Variants in ERBB4 observed in about 807,000 individuals in gnomAD.
ERBB4 encodes receptor tyrosine-protein kinase erbB-4.
A neutral mutation model predicts 158.0 loss-of-function variants in ERBB4; 42 were observed. That is an observed-to-expected ratio of 0.27 (90% CI 0.21 to 0.34). The LOEUF is 0.34. Ranked by LOEUF, ERBB4 falls within the 10% of genes least tolerant of loss-of-function variation. The probability of loss-of-function intolerance (pLI) is 1.00; values close to 1 mark genes in which losing one functional copy is unlikely to be tolerated. For missense variants in ERBB4, 1,333 were observed against 1,624.1 expected (o/e 0.82, Z 3.08); for synonymous variants, 583 against 558.7 (o/e 1.04, Z -0.61).
chr2:212,301,572 T>C (rs917312492), intron 1 of ERBB4, among the ~76,000 whole-genome samples: 2 of 151,406 alleles, frequency 1.3e-5, no homozygotes, highest in African/African-American at 4.8e-5. Context: ...TGGACATATC[T>C]TGGTAAACAT....
rs184120795 is a variant in ERBB4 at position 212,078,709 on chromosome 2, T to C, written c.234+46043A>G. 2.5e-3 allele frequency among the ~76,000 whole-genome samples: 385 copies of C among 151,920 alleles called. 1 individual carries two copies. Among genetic ancestry groups the C allele is most frequent in the African/African-American group, 8.9e-3 (369 of 41,524 alleles). ...CTCTATTTCCAAAGACATCCACCAT[T>C]TGCAGTTAAGAGACTATTATTCTAA... is the stretch of plus-strand genomic sequence containing the variant. On this transcript the variant is annotated intron_variant, in intron 2 of 27. Transcript: ENST00000342788.
intron 2 of ERBB4, among the ~76,000 whole-genome samples, chr2:212,099,221 A>C (rs2079015780): frequency 6.6e-6 from 1 of 151,692 alleles, no homozygotes; most frequent in Non-Finnish European, 1.5e-5. Context: ...ACTGCACTGC[A>C]GCCTGGGTGA....
chr2:211,933,029 G>C (rs1417773865), intron 3 of ERBB4, among the ~76,000 whole-genome samples: 1 of 151,976 alleles, frequency 6.6e-6, no homozygotes, highest in Non-Finnish European at 1.5e-5. Context: ...TCACAAAGGA[G>C]TTGATAACCT....
intron 3 of ERBB4, among the ~76,000 whole-genome samples, chr2:211,863,790 A>G (rs1336475502): frequency 6.6e-6 from 1 of 152,194 alleles, no homozygotes; most frequent in Non-Finnish European, 1.5e-5. Flanking sequence ...CGGAAGGAAA[A>G]AATTCCAGAC....
At chr2:211,957,138 A>G (rs1162192418) in intron 2 of ERBB4, among the ~76,000 whole-genome samples, 2 of 152,054 alleles carry the variant, frequency 1.3e-5, no homozygotes, top group Non-Finnish European at 2.9e-5. Context: ...CCAAACCCCC[A>G]TAATGTATAC....
In ERBB4 at chr2:211,892,722, C is replaced by T. The variant is rs536539989; in HGVS notation, c.421+54708G>A. On this transcript the variant is annotated intron_variant, in intron 3 of 27. Coordinates refer to ENST00000342788, the MANE Select transcript of ERBB4 (RefSeq NM_005235.3). ...GCAACTTCAGCAAAGTCTCAGGATACAAAATCAATGTACAAAATTCACAAG... is the reference window on the plus strand; with the variant it reads ...GCAACTTCAGCAAAGTCTCAGGATATAAAATCAATGTACAAAATTCACAAG... Among the ~76,000 whole-genome samples, 19 of 145,442 alleles carry T rather than the reference C, an allele frequency of 1.3e-4. 2 individuals are homozygous for T. The highest frequency in any genetic ancestry group is 2.4e-4 in the Non-Finnish European group (16 of 66,474).
At chr2:211,632,341 T>C (rs766052350) in intron 16 of ERBB4, among the ~76,000 whole-genome samples, 218 of 152,202 alleles carry the variant, frequency 1.4e-3, no homozygotes, top group Non-Finnish European at 1.8e-3. Context: ...ACCAAAGGTA[T>C]AATTTTTAGC....
At chr2:211,515,893 A>AT (rs1559248741) in intron 20 of ERBB4, among the ~76,000 whole-genome samples, 4 of 114,644 alleles carry the variant, frequency 3.5e-5, no homozygotes, top group African/African-American at 1.5e-4. Context: ...ATAAAAACAT[A>AT]TATTATATAT....
At chr2:212,161,408 A>G (rs559388039) in intron 1 of ERBB4, among the ~76,000 whole-genome samples, 1 of 152,052 alleles carries the variant, frequency 6.6e-6, no homozygotes, top group South Asian at 2.1e-4. Context: ...ACCTTGTGAA[A>G]TGATATCAGG....
chr2:212,511,988 TAGAGAGTTTCTCTGGA>T (rs1453700983), intron 1 of ERBB4, among the ~76,000 whole-genome samples: 1 of 152,156 alleles, frequency 6.6e-6, no homozygotes, highest in Non-Finnish European at 1.5e-5. Flanking sequence ...CTCTTTTCAT[TAGAGAGTTTCTCTGGA>T]AGCCTGCCAG....
chr2:212,329,632 G>T (rs1327145370), intron 1 of ERBB4, among the ~76,000 whole-genome samples: 4 of 152,132 alleles, frequency 2.6e-5, no homozygotes, highest in East Asian at 3.9e-4. Flanking sequence ...AGATTCATCA[G>T]GTGTAGGATA....
intron 19 of ERBB4, among the ~76,000 whole-genome samples, chr2:211,588,413 G>A (rs575518182): frequency 5.7e-4 from 86 of 152,178 alleles, no homozygotes; most frequent in Non-Finnish European, 9.3e-4. Flanking sequence ...ATGAGGATAC[G>A]CTTTCAAATC....
At chr2:211,951,302 G>C (rs979085876) in intron 2 of ERBB4, among the ~76,000 whole-genome samples, 2 of 152,116 alleles carry the variant, frequency 1.3e-5, no homozygotes, top group Admixed American at 6.6e-5. Flanking sequence ...ATTTGTAAAA[G>C]AGTAACATTA....
intron 1 of ERBB4, among the ~76,000 whole-genome samples, chr2:212,393,596 T>C (rs781085065): frequency 5.9e-5 from 9 of 152,122 alleles, no homozygotes; most frequent in Non-Finnish European, 1.5e-5. Flanking sequence ...TGGATGTTCT[T>C]GTCTCTATGA....
chr2:212,053,330 AC>A (rs1315611471), intron 2 of ERBB4, among the ~76,000 whole-genome samples: 3 of 152,174 alleles, frequency 2.0e-5, no homozygotes, highest in African/African-American at 7.2e-5. Flanking sequence ...GGACCAAATT[AC>A]CCCTGGACTG....
chr2:212,232,528 C>T (rs2083704985), intron 1 of ERBB4, among the ~76,000 whole-genome samples: 1 of 152,274 alleles, frequency 6.6e-6, no homozygotes, highest in African/African-American at 2.4e-5. Context: ...CCTGCCTCTG[C>T]CTTCTGAGTA....
chr2:211,387,833 A>C, intron 26 of ERBB4, 112 bp downstream of exon 26: 2 of 832,570 alleles, frequency 2.4e-6, no homozygotes, highest in South Asian at 1.3e-5. Flanking sequence ...CCAAATTCTT[A>C]ACTCACTGTT....
At chr2:212,314,503 T>C (rs1045377800) in intron 1 of ERBB4, among the ~76,000 whole-genome samples, 7 of 151,024 alleles carry the variant, frequency 4.6e-5, no homozygotes, top group East Asian at 2.0e-4. Flanking sequence ...TTTGGTTATC[T>C]TGAAAGTTCT....
chr2:211,423,826 C>T (rs908510497), intron 23 of ERBB4, among the ~76,000 whole-genome samples: 2 of 151,564 alleles, frequency 1.3e-5, no homozygotes, highest in Non-Finnish European at 3.0e-5. Flanking sequence ...TGATATTTTC[C>T]CATAAAGGTC....
Sources: gnomAD v4.1 joint callset for allele counts (sites outside exome capture counted in the v4.1 genomes callset) on GRCh38, gnomAD v4.1.1 for gene constraint, MANE v1.5 for transcripts, NCBI Gene and HGNC (gene_info 2026-07-23, HGNC 2026-07-21) for gene names.